Variants in MID1 observed in about 807,000 individuals in gnomAD.
MID1 encodes E3 ubiquitin-protein ligase Midline-1.
MID1 carries 7 observed loss-of-function variants against 40.4 expected under a neutral mutation model. The observed-to-expected ratio is 0.17, with a 90% CI of 0.10 to 0.33. The LOEUF (loss-of-function observed/expected upper bound fraction) is 0.33, where lower values mean the gene tolerates loss of function less well. Among genes scored for constraint, MID1 ranks in the 10% least tolerant of loss-of-function variants. The probability of loss-of-function intolerance (pLI) is 1.00; values close to 1 mark genes in which losing one functional copy is unlikely to be tolerated. For synonymous variants in MID1, 229 were observed against 221.2 expected (o/e 1.04, Z -0.31); for missense variants, 367 against 558.5 (o/e 0.66, Z 3.46).
intron 4 of MID1, among the ~76,000 whole-genome samples, chrX:10,491,403 A>T (rs1930942460): frequency 9.3e-6 from 1 of 107,670 alleles, no homozygotes; most frequent in African/African-American, 3.4e-5. Flanking sequence ...CTAATTTTTT[A>T]CTTTTAGTAT....
At chrX:10,807,871 C>T (rs2044058916) in intron 1 of MID1, among the ~76,000 whole-genome samples, 1 of 112,025 alleles carries the variant, frequency 8.9e-6, no homozygotes. Context: ...TTTTTGGAGG[C>T]ACATCCTAGA....
chrX:10,672,224 C>CA lies in MID1; in HGVS notation c.-186-51806dup, dbSNP rs111982692. 5.5e-3 allele frequency among the ~76,000 whole-genome samples: 525 copies of CA among 94,871 alleles called. 2 individuals carry two copies. Among genetic ancestry groups the CA allele is most frequent in the African/African-American group, 0.013 (337 of 26,381 alleles). The allele number at this position is 94,871 out of a possible 115,157, so 82.4% of individuals were successfully genotyped here. On this transcript the variant is annotated intron_variant, in intron 1 of 10. Transcript: ENST00000380785. ...TGGGTGACAGAGCGAGATCCTGTCT[C>CA]AAAAAAAAAAAAAATTGAAAGAAGA...
At chrX:10,485,487 C>T (rs1930568623) in intron 4 of MID1, among the ~76,000 whole-genome samples, 1 of 111,957 alleles carries the variant, frequency 8.9e-6, no homozygotes, top group Non-Finnish European at 1.9e-5. Flanking sequence ...GAAATATTTT[C>T]CAGTCAACTC....
intron 1 of MID1, among the ~76,000 whole-genome samples, chrX:10,648,138 T>G (rs1473878795): frequency 8.9e-6 from 1 of 112,061 alleles, no homozygotes; most frequent in Admixed American, 9.5e-5. Context: ...CTTTCCTCTA[T>G]CTGTATATTT....
intron 1 of MID1, among the ~76,000 whole-genome samples, chrX:10,817,117 G>A (rs1473257892): frequency 8.9e-6 from 1 of 112,201 alleles, no homozygotes; most frequent in African/African-American, 3.2e-5. Flanking sequence ...CCACAGAAAG[G>A]TGGAAATGAC....
At position 10,708,468 on chromosome X, in the gene MID1, T is replaced by A. The variant is rs1465065777; in HGVS notation, c.-186-88049A>T. On this transcript the variant is annotated intron_variant, in intron 1 of 10. Coordinates refer to the MID1 transcript ENST00000380785. ...GAAGTTCAGAGCAGAGGAGGATGGT[T>A]ACCAGGGCAAAAAGAAAAGGGGAAA... Among the ~76,000 whole-genome samples the A allele has an allele frequency of 2.7e-5, 3 of 110,742 alleles. No individual in the cohort carries two copies. In the South Asian group the frequency reaches 1.1e-3, roughly 42 times the overall value.
At chrX:10,793,574 G>T (rs2043948086) in intron 1 of MID1, among the ~76,000 whole-genome samples, 1 of 111,956 alleles carries the variant, frequency 8.9e-6, no homozygotes. Context: ...ATTTGCCAGA[G>T]AGATCTATTT....
intron 1 of MID1, among the ~76,000 whole-genome samples, chrX:10,639,854 C>A (rs1388619310): frequency 1.8e-5 from 2 of 111,812 alleles, no homozygotes; most frequent in Non-Finnish European, 1.9e-5. Context: ...GAGTGAGGGC[C>A]AATATTCAAC....
In MID1 at chrX:10,728,753, T is replaced by C. The variant is rs367991506; in HGVS notation, c.-187+104801A>G. ...GAGTTAGCTTATGATATTTTAAGCA[T>C]CTTAAACAAAGCAAGATTTATGCTA... On this transcript the variant is annotated intron_variant, in intron 1 of 10. Coordinates refer to the MID1 transcript ENST00000380785. Among the ~76,000 whole-genome samples the C allele has an allele frequency of 8.0e-4, 90 of 112,138 alleles. No homozygotes were observed. In the East Asian group the frequency reaches 0.01, roughly 13 times the overall value.
chrX:10,589,754 T>G (rs1419617340), intron 1 of MID1: 1 of 108,271 alleles, frequency 9.2e-6, no homozygotes, highest in Non-Finnish European at 1.9e-5. Flanking sequence ...CTGGTTGGAG[T>G]CCCCCGCAGG....
rs180911309 is a variant in MID1, at chrX:10,537,156, A to C, written c.661-13969T>G. On this transcript the variant is annotated intron_variant, in intron 2 of 9. Coordinates refer to ENST00000317552, the MANE Select transcript of MID1 (RefSeq NM_000381.4). Reference sequence around the variant, plus strand: ...AAACAGTCATGCTGAAGTTGCTCCCAGTGTATTCTTGATTACTTATAAACG... The same window carrying C: ...AAACAGTCATGCTGAAGTTGCTCCCCGTGTATTCTTGATTACTTATAAACG... 2.8e-4 allele frequency among the ~76,000 whole-genome samples: 31 copies of C among 111,027 alleles called. 1 individual carries two copies. Among genetic ancestry groups the C allele is most frequent in the Admixed American group, 2.7e-3 (28 of 10,376 alleles).
chrX:10,533,372 G>GAAAA, intron 2 of MID1, among the ~76,000 whole-genome samples: 1 of 49,650 alleles, frequency 2.0e-5, no homozygotes, highest in Non-Finnish European at 3.7e-5. Context: ...AAGAAAGAAA[G>GAAAA]AAAGAAAAAG....
rs1017842741 is a variant in MID1 at position 10,588,969 on chromosome X, C to T, written c.-56-21366G>A. The stretch of plus-strand genomic sequence containing the variant: ...CTCCATAGTCTTCCTTAAATCCTTT[C>T]TTGAAATTTTTCAACATAGTTCCTA... On this transcript the variant is annotated intron_variant, in intron 1 of 9. Coordinates refer to ENST00000317552, the MANE Select transcript of MID1 (RefSeq NM_000381.4). 2.7e-5 allele frequency among the ~76,000 whole-genome samples: 3 copies of T among 111,595 alleles called. No individual in the cohort carries two copies. In the Admixed American group the frequency reaches 2.9e-4, roughly 11 times the overall value.
chrX:10,788,114 T>C (rs1399704840), intron 1 of MID1, among the ~76,000 whole-genome samples: 1 of 112,136 alleles, frequency 8.9e-6, no homozygotes, highest in Non-Finnish European at 1.9e-5. Flanking sequence ...ATTTCCTCAG[T>C]TGAAGGAGAT....
At chrX:10,555,578 C>G (rs1051545316) in intron 2 of MID1, among the ~76,000 whole-genome samples, 2 of 110,631 alleles carry the variant, frequency 1.8e-5, no homozygotes, top group South Asian at 3.8e-4. Context: ...GTGTTTATCT[C>G]ATAGTAGCTA....
chrX:10,501,364 A>G, intron 3 of MID1: 2 of 1,051,442 alleles, frequency 1.9e-6, no homozygotes, highest in Non-Finnish European at 2.6e-6. Flanking sequence ...AGTCACTTTC[A>G]CCTCATCTCA....
chrX:10,450,042 G>A (rs1420802959), intron 9 of MID1, among the ~76,000 whole-genome samples: 4 of 112,054 alleles, frequency 3.6e-5, no homozygotes, highest in Middle Eastern at 4.2e-3. Flanking sequence ...CAATGAATTC[G>A]CTAGACCAGT....
chrX:10,673,355 G>A (rs1008754177), intron 1 of MID1, among the ~76,000 whole-genome samples: 3 of 111,541 alleles, frequency 2.7e-5, no homozygotes, highest in Admixed American at 9.5e-5. Context: ...CATGCAGACC[G>A]GGGCTCCCTA....
At chrX:10,751,040 G>A (rs1220179686) in intron 1 of MID1, among the ~76,000 whole-genome samples, 12 of 110,505 alleles carry the variant, frequency 1.1e-4, no homozygotes, top group Non-Finnish European at 1.7e-4. Flanking sequence ...TGAGACAGGC[G>A]GATCACTTGG....
Sources: allele counts gnomAD v4.1 joint callset (sites outside exome capture counted in the v4.1 genomes callset), GRCh38; gene constraint gnomAD v4.1.1; transcripts MANE v1.5; gene names NCBI Gene and HGNC (gene_info 2026-07-23, HGNC 2026-07-21).